The following KCNQ1 variants were observed in gnomAD, a reference collection of about 807,000 sequenced individuals.
KCNQ1 encodes the protein potassium voltage-gated channel subfamily KQT member 1.
In KCNQ1, 49 loss-of-function variants were observed where a neutral mutation model predicts 72.4. That is an observed-to-expected ratio of 0.68 (90% CI 0.54 to 0.86). The LOEUF is 0.86. KCNQ1 is among the 40% of genes least tolerant of loss of function. The probability of loss-of-function intolerance (pLI) is 0.00; values close to 1 mark genes in which losing one functional copy is unlikely to be tolerated. For missense variants in KCNQ1, 790 were observed against 945.1 expected, an observed-to-expected ratio of 0.84 and a Z score of 2.15; for synonymous variants, 450 against 412.6, an observed-to-expected ratio of 1.09 and a Z score of -1.10.
In KCNQ1 at chr11:2,817,945, GA is replaced by G. The variant is rs1353324291; in HGVS notation, c.1795-29815del. On this transcript the variant is annotated intron_variant, in intron 15 of 15. Coordinates refer to ENST00000155840, the MANE Select transcript of KCNQ1 (RefSeq NM_000218.3). This position sits in a 1 kb window ranked among gnomAD's most constrained non-coding sequence, Gnocchi z 6.1. The stretch of plus-strand genomic sequence containing the variant: ...TAAAAGCCCTGAGAAGGCCTGCAGT[GA>G]AAAAAACTAACTTCGTATAACCCAA... 9.2e-5 allele frequency among the ~76,000 whole-genome samples: 14 copies of G among 152,016 alleles called. No homozygotes were observed. The highest frequency in any genetic ancestry group is 2.1e-4 in the Non-Finnish European group (14 of 67,998).
At position 2,482,396 on chromosome 11, in the gene KCNQ1, A is replaced by G. The variant is rs1452011114; in HGVS notation, c.386+36912A>G. ...TCCCCTGTGTTATTGAACGTAATCA[A>G]CTCTCTATTGACGGCTGGGTTATTT... is the stretch of plus-strand genomic sequence containing the variant. On this transcript the variant is annotated intron_variant, in intron 1 of 15. Coordinates refer to ENST00000155840, the MANE Select transcript of KCNQ1 (RefSeq NM_000218.3). The surrounding 1 kb of genome is among the most constrained non-coding windows in gnomAD (Gnocchi z 5.7). Among the ~76,000 whole-genome samples, 1 of 151,990 alleles carries G rather than the reference A, an allele frequency of 6.6e-6. No homozygotes were observed. Among genetic ancestry groups the G allele is most frequent in the African/African-American group, 2.4e-5 (1 of 41,362 alleles).
chr11:2,839,663 G>T (rs1002529810), intron 15 of KCNQ1: 1 of 152,314 alleles, frequency 6.6e-6, no homozygotes, highest in South Asian at 2.1e-4. Flanking sequence ...GGCAGCAGGG[G>T]CTGGGATCCC....
chr11:2,775,218 G>A (rs1418387795), intron 12 of KCNQ1, among the ~76,000 whole-genome samples: 2 of 152,232 alleles, frequency 1.3e-5, no homozygotes, highest in South Asian at 2.1e-4. Context: ...AATGTGGCTT[G>A]GGGTTTCCTG....
In KCNQ1 at chr11:2,588,873, G is replaced by A. The variant is rs201053661; in HGVS notation, c.1393+19G>A. The A allele has an allele frequency of 5.6e-6, 9 of 1,610,788 alleles. No individual in the cohort carries two copies. The highest frequency in any genetic ancestry group is 5.9e-6 in the Non-Finnish European group (7 of 1,179,724). ...AGTTCTGGTGAGAACCCCTCAGGCAGTTGGGGGCCGCGGGGCCGGGAAGGT... is the reference window on the plus strand; with the variant it reads ...AGTTCTGGTGAGAACCCCTCAGGCAATTGGGGGCCGCGGGGCCGGGAAGGT... On this transcript the variant is annotated intron_variant, in intron 10 of 15. Coordinates refer to ENST00000155840, the MANE Select transcript of KCNQ1 (RefSeq NM_000218.3). The surrounding 1 kb of genome is among the most constrained non-coding windows in gnomAD (Gnocchi z 5.6).
At chr11:2,558,458 ATC>A (rs1184979953) in intron 2 of KCNQ1, among the ~76,000 whole-genome samples, 14 of 152,172 alleles carry the variant, frequency 9.2e-5, no homozygotes, top group African/African-American at 3.4e-4. Flanking sequence ...CTTCATCAGA[ATC>A]TGCTGATAAG....
chr11:2,756,485 C>T (rs906244363), intron 11 of KCNQ1, among the ~76,000 whole-genome samples: 1 of 147,424 alleles, frequency 6.8e-6, no homozygotes, highest in South Asian at 2.2e-4. Context: ...CATATAGTTT[C>T]AATAATATTA....
intron 1 of KCNQ1, among the ~76,000 whole-genome samples, chr11:2,474,893 G>A (rs900241226): frequency 2.0e-5 from 3 of 152,158 alleles, no homozygotes; most frequent in Admixed American, 6.5e-5. Flanking sequence ...TTTACAGATG[G>A]GAAAACTGAG....
In KCNQ1 at chr11:2,783,679, A is replaced by G. The variant is rs988277729; in HGVS notation, c.1794+5642A>G. ...GCCTTGCAAATACATGGTCTTTTCT[A>G]TTTTAGCCCTTTTAGTGAGTATGTA... On this transcript the variant is annotated intron_variant, in intron 15 of 15. Transcript: ENST00000155840. This position sits in a 1 kb window ranked among gnomAD's most constrained non-coding sequence, Gnocchi z 5.2. Among the ~76,000 whole-genome samples the G allele has an allele frequency of 2.6e-5, 4 of 151,952 alleles. No homozygotes were observed. The highest frequency in any genetic ancestry group is 7.2e-5 in the African/African-American group (3 of 41,414).
At chr11:2,631,983 C>T in intron 10 of KCNQ1, 1 of 396,378 alleles carries the variant, frequency 2.5e-6, no homozygotes, top group Non-Finnish European at 4.4e-6. Context: ...GAGATCGAGA[C>T]CATCCTGGCT....
At chr11:2,518,604 G>A (rs1356302963) in intron 1 of KCNQ1, among the ~76,000 whole-genome samples, 1 of 152,222 alleles carries the variant, frequency 6.6e-6, no homozygotes, top group Non-Finnish European at 1.5e-5. Flanking sequence ...CCTTGGTCCT[G>A]CTGTGGGACA....
intron 11 of KCNQ1, chr11:2,696,316 T>C (rs1850675541): frequency 2.5e-6 from 1 of 398,658 alleles, no homozygotes; most frequent in Non-Finnish European, 4.4e-6. Flanking sequence ...CATATTCCTA[T>C]TCCTCCATTT....
At chr11:2,503,899 C>A (rs1847057723) in intron 1 of KCNQ1, among the ~76,000 whole-genome samples, 1 of 152,150 alleles carries the variant, frequency 6.6e-6, no homozygotes. Flanking sequence ...TAAGTTACTA[C>A]AACCACCGTG....
intron 2 of KCNQ1, among the ~76,000 whole-genome samples, chr11:2,557,630 C>T (rs1038042470): frequency 3.9e-5 from 6 of 152,216 alleles, no homozygotes; most frequent in African/African-American, 1.4e-4. Context: ...GGAGCCTCCA[C>T]AGCATTGCAT....
chr11:2,464,982 C>T lies in KCNQ1; in HGVS notation c.386+19498C>T, dbSNP rs1377084585. ...GCTGGTCCAGTGCAGGGAGCTGCCC[C>T]GGCCGCCCCCGTGGGTGCAGGCCAT... is the stretch of plus-strand genomic sequence containing the variant. On this transcript the variant is annotated intron_variant, in intron 1 of 15. Transcript: ENST00000155840. This position sits in a 1 kb window ranked among gnomAD's most constrained non-coding sequence, Gnocchi z 5.0. Among the ~76,000 whole-genome samples, 1 of 152,124 alleles carries T rather than the reference C, an allele frequency of 6.6e-6. No individual in the cohort carries two copies. Among genetic ancestry groups the T allele is most frequent in the South Asian group, 2.1e-4 (1 of 4,828 alleles).
rs1450568853 is a variant in KCNQ1 at position 2,559,415 on chromosome 11, G to A, written c.478-11213G>A. Among the ~76,000 whole-genome samples, 6 of 152,184 alleles carry A rather than the reference G, an allele frequency of 3.9e-5. No individual in the cohort carries two copies. The highest frequency in any genetic ancestry group is 1.2e-4 in the African/African-American group (5 of 41,444). ...TTGTGGCTACTTAGACGTAGAGCCC[G>A]GGGCAGGGGGAGGGCCAGCCCCTGT... On this transcript the variant is annotated intron_variant, in intron 2 of 15. Transcript: ENST00000155840. This position sits in a 1 kb window ranked among gnomAD's most constrained non-coding sequence, Gnocchi z 4.9.
rs556085530 is a variant in KCNQ1, at chr11:2,562,893, A to G, written c.478-7735A>G. On this transcript the variant is annotated intron_variant, in intron 2 of 15. Transcript: ENST00000155840. This position sits in a 1 kb window ranked among gnomAD's most constrained non-coding sequence, Gnocchi z 7.5. ...CTTTAAAATTAATTTTCCTTTAAAGATACTGTAGAGCAGTAACATCAGAGA... is the reference window on the plus strand; with the variant it reads ...CTTTAAAATTAATTTTCCTTTAAAGGTACTGTAGAGCAGTAACATCAGAGA... Among the ~76,000 whole-genome samples the G allele has an allele frequency of 1.3e-5, 2 of 152,322 alleles. No homozygotes were observed. The highest frequency in any genetic ancestry group is 4.8e-5 in the African/African-American group (2 of 41,564).
At position 2,659,879 on chromosome 11, in the gene KCNQ1, A is replaced by G. The variant is rs1213921908; in HGVS notation, c.1394-2082A>G. The G allele has an allele frequency of 2.5e-6, 1 of 398,378 alleles. No homozygotes were observed. The highest frequency in any genetic ancestry group is 3.6e-5 in the East Asian group (1 of 28,028). 24.7% of individuals were successfully genotyped at this position (398,378 alleles called of 1,614,324 possible). ...ATGTGCTTATTTATAATCCATTTTT[A>G]AAATTGGATTGTTCACTTTATTGTC... On this transcript the variant is annotated intron_variant, in intron 10 of 15. Coordinates refer to ENST00000155840, the MANE Select transcript of KCNQ1 (RefSeq NM_000218.3). The surrounding 1 kb of genome is among the most constrained non-coding windows in gnomAD (Gnocchi z 4.3).
intron 1 of KCNQ1, among the ~76,000 whole-genome samples, chr11:2,476,462 A>G (rs1846570018): frequency 6.6e-6 from 1 of 152,190 alleles, no homozygotes; most frequent in Non-Finnish European, 1.5e-5. Flanking sequence ...TGAAAAAAGT[A>G]AATATGTAAG....
chr11:2,633,330 T>A, intron 10 of KCNQ1: 1 of 398,592 alleles, frequency 2.5e-6, no homozygotes, highest in Non-Finnish European at 4.4e-6. Flanking sequence ...ACAGGATATC[T>A]CTTAATAGTT....
Sources: allele counts gnomAD v4.1 joint callset (sites outside exome capture counted in the v4.1 genomes callset), GRCh38; gene constraint gnomAD v4.1.1; non-coding constraint Gnocchi (gnomAD v3.1); transcripts MANE v1.5; gene names NCBI Gene and HGNC (gene_info 2026-07-23, HGNC 2026-07-21).